Variants in ANK2 observed in about 807,000 individuals in gnomAD.
ANK2 encodes the protein ankyrin-2.
A neutral mutation model predicts 360.5 loss-of-function variants in ANK2; 83 were observed. The ratio of observed to expected loss-of-function variants is 0.23; its 90% confidence interval spans 0.19 to 0.28. ANK2 has a LOEUF of 0.28. ANK2 is among the 10% of genes least tolerant of loss of function. The pLI, the probability that ANK2 is intolerant of heterozygous loss-of-function variation, is 1.00. For missense variants in ANK2, 4,201 were observed against 4,795.7 expected, an observed-to-expected ratio of 0.88 and a Z score of 3.66; for synonymous variants, 1,740 against 1,759.5, an observed-to-expected ratio of 0.99 and a Z score of 0.28.
At chr4:113,264,834 T>G in intron 13 of ANK2, 63 bp from the exon 14 acceptor site, 2 of 1,510,050 alleles carry the variant, frequency 1.3e-6, no homozygotes, top group Non-Finnish European at 1.8e-6. Flanking sequence ...AGGGACAACT[T>G]TATTCTTTAC....
chr4:112,753,466 G>C, the ANK2 span, among the ~76,000 whole-genome samples: 1 of 152,212 alleles, frequency 6.6e-6, no homozygotes, highest in African/African-American at 2.4e-5. Context: ...ATTTGAACCA[G>C]AGCAACTCCA....
At chr4:112,765,701 A>AGATAGTATATGTC in the ANK2 span, among the ~76,000 whole-genome samples, 1 of 117,952 alleles carries the variant, frequency 8.5e-6, no homozygotes, top group Non-Finnish European at 1.7e-5. Context: ...CATGTCTTTT[A>AGATAGTATATGTC]GATAGTATAT....
intron 43 of ANK2, chr4:113,372,467 A>G (rs1392238195): frequency 6.8e-6 from 7 of 1,028,004 alleles, no homozygotes; most frequent in Admixed American, 2.2e-5. Context: ...TAAGCTAAAG[A>G]AGAAACCAGT....
intron 2 of ANK2, among the ~76,000 whole-genome samples, chr4:112,914,354 C>T (rs1180051403): frequency 2.0e-5 from 3 of 152,224 alleles, no homozygotes; most frequent in Non-Finnish European, 4.4e-5. Flanking sequence ...GGCATCGTGG[C>T]TCACGCCGGT....
At chr4:112,955,417 C>G (rs867881914) in intron 2 of ANK2, among the ~76,000 whole-genome samples, 11 of 152,046 alleles carry the variant, frequency 7.2e-5, no homozygotes, top group African/African-American at 2.4e-4. Context: ...ATTATATAGT[C>G]TAAATTTCCA....
intron 26 of ANK2, among the ~76,000 whole-genome samples, chr4:113,318,864 C>T (rs552419672): frequency 2.6e-5 from 4 of 152,202 alleles, no homozygotes; most frequent in Admixed American, 1.3e-4. Context: ...AGTAGAATTG[C>T]GTCAAACAGC....
Position 113,031,852 on chromosome 4 carries a change from T to C in ANK2, c.21+127338T>C, listed in dbSNP as rs1344424517. ...ATCAAATGCAAGGGTATGCAAAACC[T>C]GCAGGAAACTCTATGTGTGCTTTTC... On this transcript the variant is annotated intron_variant, in intron 2 of 30. Coordinates refer to the ANK2 transcript ENST00000503271. Among the ~76,000 whole-genome samples, 5 of 152,070 alleles carry C rather than the reference T, an allele frequency of 3.3e-5. No individual in the cohort carries two copies. The East Asian group carries it at 9.7e-4, about 29-fold the overall frequency.
chr4:113,360,258 A>G (rs991171723), intron 38 of ANK2, among the ~76,000 whole-genome samples: 4 of 152,222 alleles, frequency 2.6e-5, no homozygotes, highest in Non-Finnish European at 4.4e-5. Context: ...CAATATACAC[A>G]TAAAAATGCA....
At chr4:113,128,377 A>G (rs2095798548) in intron 1 of ANK2, among the ~76,000 whole-genome samples, 1 of 152,254 alleles carries the variant, frequency 6.6e-6, no homozygotes. Context: ...GTGCATAGTA[A>G]TATTACTTAT....
intron 1 of ANK2, among the ~76,000 whole-genome samples, chr4:113,056,669 A>G (rs2154330559): frequency 6.6e-6 from 1 of 152,266 alleles, no homozygotes; most frequent in South Asian, 2.1e-4. Flanking sequence ...TTAAATTTTT[A>G]TGTACTCGAG....
At chr4:113,288,869 C>T (rs574630735) in intron 20 of ANK2, among the ~76,000 whole-genome samples, 1 of 152,172 alleles carries the variant, frequency 6.6e-6, no homozygotes, top group East Asian at 1.9e-4. Flanking sequence ...TCAGCCTAGA[C>T]TGCGTGCCTT....
At chr4:113,022,395 T>C (rs1050414833) in intron 2 of ANK2, among the ~76,000 whole-genome samples, 2 of 152,176 alleles carry the variant, frequency 1.3e-5, no homozygotes, top group African/African-American at 4.8e-5. Flanking sequence ...ATTTTCCAAC[T>C]GGACAGGGCT....
At chr4:113,218,156 A>C (rs564671388) in intron 4 of ANK2, among the ~76,000 whole-genome samples, 1 of 151,758 alleles carries the variant, frequency 6.6e-6, no homozygotes, top group East Asian at 1.9e-4. Context: ...CCTTGTTCTA[A>C]TGCTCTAACC....
At chr4:112,740,050 T>G in the ANK2 span, among the ~76,000 whole-genome samples, 1 of 151,860 alleles carries the variant, frequency 6.6e-6, no homozygotes, top group African/African-American at 2.4e-5. Context: ...TGCAGGCGGG[T>G]TCTTCTAACC....
At chr4:112,908,233 A>C (rs982248139) in intron 2 of ANK2, among the ~76,000 whole-genome samples, 4 of 152,218 alleles carry the variant, frequency 2.6e-5, no homozygotes, top group Non-Finnish European at 4.4e-5. Flanking sequence ...GTTTAACTTG[A>C]GTTATTGTTA....
At chr4:112,802,530 G>C in the ANK2 span, among the ~76,000 whole-genome samples, 1 of 152,152 alleles carries the variant, frequency 6.6e-6, no homozygotes, top group African/African-American at 2.4e-5. Flanking sequence ...TGATGTATCT[G>C]TTGATGTGCT....
At chr4:112,874,745 T>TC (rs1185639331) in intron 1 of ANK2, among the ~76,000 whole-genome samples, 2 of 151,808 alleles carry the variant, frequency 1.3e-5, no homozygotes, top group African/African-American at 4.8e-5. Context: ...GGATAAAAAT[T>TC]CAACTCAGAA....
chr4:112,836,408 CA>C (rs2061001277), intron 1 of ANK2, among the ~76,000 whole-genome samples: 1 of 152,100 alleles, frequency 6.6e-6, no homozygotes, highest in Admixed American at 6.6e-5. Context: ...GAATTGGTAC[CA>C]AGGTAGTGGG....
chr4:112,742,303 A>T, the ANK2 span, among the ~76,000 whole-genome samples: 1 of 152,288 alleles, frequency 6.6e-6, no homozygotes, highest in African/African-American at 2.4e-5. Flanking sequence ...ATAAAAATAA[A>T]ATATGATAAC....
Sources: gnomAD v4.1 joint callset for allele counts (sites outside exome capture counted in the v4.1 genomes callset) on GRCh38, gnomAD v4.1.1 for gene constraint, MANE v1.5 for transcripts, NCBI Gene and HGNC (gene_info 2026-07-23, HGNC 2026-07-21) for gene names.